The following CENPF variants were observed in gnomAD, a reference collection of about 807,000 sequenced individuals.
The protein encoded by CENPF is AH antigen.
CENPF carries 214 observed loss-of-function variants against 307.3 expected under a neutral mutation model. That is an observed-to-expected ratio of 0.70 (90% confidence interval 0.62 to 0.78). CENPF has a LOEUF of 0.78. CENPF is among the 30% of genes least tolerant of loss of function. The pLI is 0.00. For synonymous variants in CENPF, 1,259 were observed against 1,270.6 expected (o/e 0.99, Z 0.19); for missense variants, 3,401 against 3,483.9 (o/e 0.98, Z 0.60).
chr1:214,635,601 A>G (rs1657941152), intron 10 of CENPF, among the ~76,000 whole-genome samples: 1 of 152,224 alleles, frequency 6.6e-6, no homozygotes, highest in South Asian at 2.1e-4. Flanking sequence ...GGCAGCTTGC[A>G]CATCCATTTT....
chr1:214,605,676 TA>T lies in CENPF; in HGVS notation c.-42+2356del, dbSNP rs1212934027. On this transcript the variant is annotated intron_variant, in intron 1 of 19. Transcript: ENST00000366955. ...AGGTCTGGCCGGTTGGTGCCGCCGC[TA>T]GGCGAGCTGGCTGGCAGCTCCTGGG... The T allele has an allele frequency of 4.9e-5, 77 of 1,583,738 alleles. No individual in the cohort carries two copies. In the East Asian group the frequency reaches 1.7e-3, roughly 35 times the overall value.
At chr1:214,643,365 G>T in intron 12 of CENPF, 41 bp downstream of exon 12, 2 of 1,412,704 alleles carry the variant, frequency 1.4e-6, no homozygotes, top group Non-Finnish European at 1.9e-6. Flanking sequence ...CGGTTTACAT[G>T]ACTAGTGGAC....
At position 214,622,164 on chromosome 1, in the gene CENPF, A is replaced by G; in HGVS notation, c.951A>G (p.Glu317=). 2 of 1,613,936 alleles carry G rather than the reference A, an allele frequency of 1.2e-6. No individual in the cohort carries two copies. Among genetic ancestry groups the G allele is most frequent in the Non-Finnish European group, 1.7e-6 (2 of 1,179,856 alleles). ...AAGGCCAAGTGAATAAGTTTCAAGA[A>G]CTCCAACTCCAACTGGAGAAAGCAA... ...EMKGQVNKFQ[E]LQLQLEKAKV... is the part of the protein sequence containing the mutation. The change falls in exon 7 of 20, where the codon GAA becomes GAG. Residue 317 remains glutamate (E), a synonymous_variant. Coordinates refer to ENST00000366955, the MANE Select transcript of CENPF (RefSeq NM_016343.4).
chr1:214,621,850 T>C (rs977742043), intron 6 of CENPF, among the ~76,000 whole-genome samples: 1 of 152,200 alleles, frequency 6.6e-6, no homozygotes, highest in Non-Finnish European at 1.5e-5. Flanking sequence ...CCAAGTTTCT[T>C]TGTTAAAATG....
At chr1:214,632,349 A>G in intron 9 of CENPF, 131 bp from the exon 10 acceptor site, 2 of 939,478 alleles carry the variant, frequency 2.1e-6, no homozygotes, top group Non-Finnish European at 3.2e-6. Context: ...GCTGTGACGT[A>G]TACTGTATCT....
rs748425553 is a variant in CENPF at position 214,619,162 on chromosome 1, A to T, written c.515A>T (p.Asn172Ile). 6.3e-7 allele frequency: 1 copy of T among 1,580,142 alleles called. No homozygotes were observed. The highest frequency in any genetic ancestry group is 8.7e-7 in the Non-Finnish European group (1 of 1,153,920). The change falls in exon 5 of 20, where the codon AAT becomes ATT. Residue 172 changes from asparagine to isoleucine, a missense_variant. Asn to Ile is a moderately radical substitution (Grantham distance 149). Coordinates refer to ENST00000366955, the MANE Select transcript of CENPF (RefSeq NM_016343.4). ...SKYEDLKEKY[N>I]KEVEERKRLE... ...TATGAAGATCTAAAAGAAAAATATA[A>T]TAAAGAGGTTGAAGAACGAAAAAGA...
intron 6 of CENPF, 101 bp downstream of exon 6, chr1:214,621,047 T>G: frequency 8.9e-7 from 1 of 1,117,540 alleles, no homozygotes; most frequent in East Asian, 2.4e-5. Context: ...TGTGTTTTGT[T>G]AGGCACATCG....
rs181685227 is a variant in CENPF, at chr1:214,644,375, G to A, written c.4987-182G>A. Among the ~76,000 whole-genome samples, 652 of 152,320 alleles carry A rather than the reference G, an allele frequency of 4.3e-3. 4 individuals carry two copies. The highest frequency in any genetic ancestry group is 0.015 in the African/African-American group (614 of 41,574). ...GTCTTGCCCATAGGGGCCACTTACTGAACGTATAAGTATGTTGAACATTTG... is the reference window on the plus strand; with the variant it reads ...GTCTTGCCCATAGGGGCCACTTACTAAACGTATAAGTATGTTGAACATTTG... On this transcript the variant is annotated intron_variant, in intron 12 of 19. Coordinates refer to ENST00000366955, the MANE Select transcript of CENPF (RefSeq NM_016343.4).
chr1:214,637,980 A>T lies in CENPF; in HGVS notation c.1561A>T (p.Asn521Tyr), dbSNP rs370775342. Reference sequence around the variant, plus strand: ...CAAACAGTGTTTAAATCAGAGCCAGAATTTTGCAGAAGAAATGAAAGGTAA... The same window carrying T: ...CAAACAGTGTTTAAATCAGAGCCAGTATTTTGCAGAAGAAATGAAAGGTAA... ...NIKQCLNQSQ[N>Y]FAEEMKAKNT... Residue 521 changes from asparagine (N) to tyrosine (Y), a missense_variant, in exon 11 of 20, where the codon AAT (asparagine) becomes TAT (tyrosine). Transcript: ENST00000366955. The T allele has an allele frequency of 3.9e-5, 62 of 1,609,022 alleles. No homozygotes were observed. Among genetic ancestry groups the T allele is most frequent in the Non-Finnish European group, 5.2e-5 (61 of 1,179,000 alleles).
Position 214,613,828 on chromosome 1 carries a change from G to T in CENPF, c.74G>T (p.Gly25Val), listed in dbSNP as rs1420484176. Residue 25 changes from glycine (G) to valine (V), a missense_variant, in exon 2 of 20, where the codon GGA becomes GTA. By Grantham distance (109) the Gly-to-Val change is moderately radical. Transcript: ENST00000366955. ...RALQKIQELE[G>V]QLDKLKKEKQ... ...CTTCAGAAAATTCAAGAGCTTGAAG[G>T]ACAGCTTGACAAACTGAAGAAGGAA... is the stretch of plus-strand genomic sequence containing the variant. 1.2e-6 allele frequency: 2 copies of T among 1,613,820 alleles called. No individual in the cohort carries two copies. The highest frequency in any genetic ancestry group is 3.3e-5 in the Admixed American group (2 of 59,970).
At position 214,640,716 on chromosome 1, in the gene CENPF, T is replaced by G. The variant is rs61732042; in HGVS notation, c.2378T>G (p.Met793Arg). 0.037 allele frequency: 59,234 copies of G among 1,614,060 alleles called. 1,291 individuals are homozygous for G. The highest frequency in any genetic ancestry group is 0.099 in the Middle Eastern group (598 of 6,062). ...SLLAFDQQPA[M>R]HHSFANIIGE... is the part of the protein sequence containing the mutation. ...TTGGCTTTTGATCAGCAGCCTGCCA[T>G]GCATCATTCCTTTGCAAATATAATT... The change falls in exon 12 of 20, where the codon ATG (methionine) becomes AGG (arginine). Residue 793 changes from methionine (M) to arginine (R), a missense_variant. Transcript: ENST00000366955.
rs140677526 is a variant in CENPF, at chr1:214,624,242, T to C, written c.1068+1961T>C. Among the ~76,000 whole-genome samples, 395 of 152,244 alleles carry C rather than the reference T, an allele frequency of 2.6e-3. 2 individuals carry two copies. The highest frequency in any genetic ancestry group is 9.1e-3 in the African/African-American group (379 of 41,582). ...TAAAGGATATTGGTTGGCTTTCTTT[T>C]TTTCCCCTGCCATCTTTGTTTGATA... On this transcript the variant is annotated intron_variant, in intron 7 of 19. Transcript: ENST00000366955.
At chr1:214,614,040 G>T in intron 2 of CENPF, 124 bp downstream of exon 2, 2 of 974,108 alleles carry the variant, frequency 2.1e-6, no homozygotes. Context: ...AGAGAAAAAT[G>T]ATTTTGCTGT....
In CENPF at chr1:214,663,489, G is replaced by C; in HGVS notation, c.9142-102G>C. The stretch of plus-strand genomic sequence containing the variant: ...ACTTCAATTATATATAACTCCTAGA[G>C]AAGAAGAACTTAATTTAAAACTTAG... On this transcript the variant is annotated intron_variant, in intron 19 of 19. Transcript: ENST00000366955. The C allele has an allele frequency of 2.6e-6, 3 of 1,140,224 alleles. No homozygotes were observed. In the South Asian group the frequency reaches 4.2e-5, roughly 16 times the overall value. 70.6% of individuals were successfully genotyped at this position (1,140,224 alleles called of 1,614,324 possible).
At chr1:214,638,054 G>A in intron 11 of CENPF, 53 bp downstream of exon 11, 21 of 1,515,788 alleles carry the variant, frequency 1.4e-5, no homozygotes, top group Non-Finnish European at 1.9e-5. Flanking sequence ...ATTCCCGTGA[G>A]AGGGGATGGA....
rs1380240156 is a variant in CENPF, at chr1:214,642,944, C to G, written c.4606C>G (p.Leu1536Val). ...VFCSSLQEEN[L>V]TRKETPSAPA... ...TTGCAGCAGTCTGCAGGAGGAGAAT[C>G]TGACCAGGAAAGAAACCCCTTCGGC... The change falls in exon 12 of 20, where the codon CTG (leucine) becomes GTG (valine). Residue 1536 changes from leucine to valine, a missense_variant. By Grantham distance (32) the Leu-to-Val change is conservative. Transcript: ENST00000366955. The G allele has an allele frequency of 6.2e-7, 1 of 1,613,614 alleles. No individual in the cohort carries two copies. The highest frequency in any genetic ancestry group is 8.5e-7 in the Non-Finnish European group (1 of 1,179,916).
intron 19 of CENPF, among the ~76,000 whole-genome samples, chr1:214,662,482 A>T (rs1173880863): frequency 6.6e-6 from 1 of 152,200 alleles, no homozygotes; most frequent in Non-Finnish European, 1.5e-5. Context: ...CATGCTTCCT[A>T]TGGAAAGAAT....
intron 1 of CENPF, among the ~76,000 whole-genome samples, chr1:214,611,664 C>A (rs1002532807): frequency 2.0e-5 from 3 of 152,192 alleles, no homozygotes; most frequent in African/African-American, 7.2e-5. Context: ...CTGAGCCCAG[C>A]CTTCTAATTC....
chr1:214,656,920 T>C lies in CENPF; in HGVS notation c.8486-13T>C. The C allele has an allele frequency of 6.5e-7, 1 of 1,544,672 alleles. No homozygotes were observed. The highest frequency in any genetic ancestry group is 8.8e-7 in the Non-Finnish European group (1 of 1,140,194). On this transcript the variant is annotated splice_polypyrimidine_tract_variant and intron_variant, in intron 17 of 19. Coordinates refer to ENST00000366955, the MANE Select transcript of CENPF (RefSeq NM_016343.4). ...ATCAAGTTGCACATGATGTGTTGCT[T>C]TACTTTGGACAGGTACTGTTATGGA...
Sources: allele counts gnomAD v4.1 joint callset (sites outside exome capture counted in the v4.1 genomes callset), GRCh38; gene constraint gnomAD v4.1.1; transcripts MANE v1.5; gene names NCBI Gene and HGNC (gene_info 2026-07-23, HGNC 2026-07-21).